SOX6: variants seen among roughly 807,000 people sequenced by gnomAD.
SOX6 encodes SRY-box transcription factor 6.
In SOX6, 11 loss-of-function variants were observed where a neutral mutation model predicts 97.8. The observed-to-expected ratio is 0.11, with a 90% CI of 0.07 to 0.19. The LOEUF is 0.19. Among genes scored for constraint, SOX6 ranks in the 10% least tolerant of loss-of-function variants. SOX6 has a pLI of 1.00. For synonymous variants in SOX6, 360 were observed against 371.4 expected (o/e 0.97, Z 0.35); for missense variants, 810 against 1,039.5 (o/e 0.78, Z 3.04).
At position 16,253,280 on chromosome 11, in the gene SOX6, C is replaced by T. The variant is rs1565049636; in HGVS notation, c.446-18609G>A. 4.6e-5 allele frequency among the ~76,000 whole-genome samples: 7 copies of T among 151,628 alleles called. No homozygotes were observed. In the South Asian group the frequency reaches 1.2e-3, roughly 27 times the overall value. On this transcript the variant is annotated intron_variant, in intron 3 of 15. Transcript: ENST00000683767. ...AGGAGAATCCATTGAACCCAGGAGG[C>T]GGAGGTTGCAGTGAACCAAGATCAC...
intron 6 of SOX6, among the ~76,000 whole-genome samples, chr11:16,157,647 T>C (rs1047693346): frequency 6.6e-6 from 1 of 152,018 alleles, no homozygotes; most frequent in Non-Finnish European, 1.5e-5. Flanking sequence ...TTTAAACTAT[T>C]GTTCTTAATT....
intron 3 of SOX6, among the ~76,000 whole-genome samples, chr11:16,257,019 A>C (rs894804296): frequency 1.3e-5 from 2 of 151,892 alleles, no homozygotes; most frequent in Non-Finnish European, 3.0e-5. Context: ...GTAAAAATCT[A>C]TATGAAGAAA....
At chr11:16,508,594 C>T (rs952633669) in intron 4 of SOX6, among the ~76,000 whole-genome samples, 2 of 151,586 alleles carry the variant, frequency 1.3e-5, no homozygotes, top group African/African-American at 4.8e-5. Context: ...AAGAAAAATA[C>T]TGCATGTTCT....
At chr11:16,204,750 T>C (rs993699827) in intron 4 of SOX6, among the ~76,000 whole-genome samples, 2 of 151,990 alleles carry the variant, frequency 1.3e-5, no homozygotes, top group Non-Finnish European at 2.9e-5. Flanking sequence ...ATTCAAACAA[T>C]TACACACTCA....
chr11:16,210,348 G>T (rs1359894191), intron 4 of SOX6, among the ~76,000 whole-genome samples: 1 of 152,148 alleles, frequency 6.6e-6, no homozygotes, highest in Non-Finnish European at 1.5e-5. Context: ...ACATGGATGA[G>T]CCTGGAAAAC....
At chr11:16,735,129 T>TG (rs1848382159) in intron 2 of SOX6, among the ~76,000 whole-genome samples, 1 of 152,164 alleles carries the variant, frequency 6.6e-6, no homozygotes, top group Non-Finnish European at 1.5e-5. Context: ...TGAATTTAAA[T>TG]GGAGAAGTAT....
intron 13 of SOX6, among the ~76,000 whole-genome samples, chr11:16,005,067 T>C (rs1010529345): frequency 2.6e-5 from 4 of 152,014 alleles, no homozygotes; most frequent in Non-Finnish European, 5.9e-5. Flanking sequence ...GTAGAATGCT[T>C]ATTCCAGTAC....
rs576935354 is a variant in SOX6, at chr11:16,302,574, T to C, written c.445+15872A>G. On this transcript the variant is annotated intron_variant, in intron 3 of 15. Transcript: ENST00000683767. ...TTTTTTTTTCTTTTTTTCTTTTTTTTTTTTTTTTTTTTTTGAGAGGCAGTC... is the reference window on the plus strand; with the variant it reads ...TTTTTTTTTCTTTTTTTCTTTTTTTCTTTTTTTTTTTTTTGAGAGGCAGTC... Among the ~76,000 whole-genome samples the C allele has an allele frequency of 1.7e-4, 24 of 139,906 alleles. 1 individual carries two copies. Among genetic ancestry groups the C allele is most frequent in the African/African-American group, 4.5e-4 (17 of 37,866 alleles). The allele number at this position is 139,906 out of a possible 152,430, so 91.8% of individuals were successfully genotyped here. A position where few individuals can be genotyped will look rare whatever the true frequency, so the allele number is the denominator to read the frequency against.
At chr11:16,213,242 G>C (rs1447693396) in intron 4 of SOX6, among the ~76,000 whole-genome samples, 1 of 151,928 alleles carries the variant, frequency 6.6e-6, no homozygotes, top group Non-Finnish European at 1.5e-5. Flanking sequence ...GAAAATACTA[G>C]ATACAAAATT....
At chr11:16,595,993 T>C (rs1848209222) in intron 4 of SOX6, among the ~76,000 whole-genome samples, 1 of 152,138 alleles carries the variant, frequency 6.6e-6, no homozygotes, top group African/African-American at 2.4e-5. Flanking sequence ...TATCCCTCAA[T>C]AAAAAAGAAG....
Position 16,452,689 on chromosome 11 carries a change from A to G in SOX6, c.-5+23626T>C, listed in dbSNP as rs115878920. On this transcript the variant is annotated intron_variant, in intron 1 of 15. Coordinates refer to the SOX6 transcript ENST00000396356. Reference sequence around the variant, plus strand: ...AACTGTAAAAATGAGATTTCCTGGGACTTTGCTTTCCCTTAGAAAAGAAAA... The same window carrying G: ...AACTGTAAAAATGAGATTTCCTGGGGCTTTGCTTTCCCTTAGAAAAGAAAA... Among the ~76,000 whole-genome samples the G allele has an allele frequency of 2.3e-3, 356 of 152,258 alleles. 2 individuals are homozygous for G. The highest frequency in any genetic ancestry group is 8.1e-3 in the African/African-American group (336 of 41,546).
intron 3 of SOX6, among the ~76,000 whole-genome samples, chr11:16,251,914 A>G (rs1853523959): frequency 1.3e-5 from 2 of 152,120 alleles, no homozygotes; most frequent in Admixed American, 1.3e-4. Context: ...AACATAATAA[A>G]CATAAAAAAT....
Position 16,318,669 on chromosome 11 carries a change from A to G in SOX6, c.238-16T>C, listed in dbSNP as rs775633840. 3 of 1,606,520 alleles carry G rather than the reference A, an allele frequency of 1.9e-6. No individual in the cohort carries two copies. The highest frequency in any genetic ancestry group is 3.3e-5 in the Admixed American group (2 of 59,872). On this transcript the variant is annotated splice_polypyrimidine_tract_variant and intron_variant, in intron 2 of 15. Transcript: ENST00000683767. ...TCTCTGATTCCTAGAAAAATAAAAT[A>G]AAATAAAACCATTAGAATATACGTT... is the stretch of plus-strand genomic sequence containing the variant.
chr11:16,573,580 G>C (rs953303844), intron 4 of SOX6, among the ~76,000 whole-genome samples: 9 of 152,116 alleles, frequency 5.9e-5, no homozygotes, highest in African/African-American at 2.2e-4. Context: ...CAAACTATCT[G>C]CTTAAAGCTA....
chr11:16,639,060 A>G (rs978728086), intron 3 of SOX6, among the ~76,000 whole-genome samples: 2 of 152,224 alleles, frequency 1.3e-5, no homozygotes, highest in African/African-American at 2.4e-5. Context: ...TAGGTCTAAC[A>G]TTTAAGTCTT....
chr11:16,623,393 G>C (rs1421725281), intron 3 of SOX6, among the ~76,000 whole-genome samples: 1 of 149,690 alleles, frequency 6.7e-6, no homozygotes, highest in African/African-American at 2.4e-5. Flanking sequence ...CATGTCCTTA[G>C]GGCACTTTTT....
At chr11:16,672,124 G>T (rs1391284844) in intron 3 of SOX6, among the ~76,000 whole-genome samples, 1 of 152,144 alleles carries the variant, frequency 6.6e-6, no homozygotes, top group Non-Finnish European at 1.5e-5. Flanking sequence ...CATCAGACCG[G>T]CCTTACAAGA....
At chr11:16,085,145 C>T (rs1848550664) in intron 9 of SOX6, among the ~76,000 whole-genome samples, 1 of 152,006 alleles carries the variant, frequency 6.6e-6, no homozygotes, top group African/African-American at 2.4e-5. Context: ...TGGAACAAAC[C>T]CCTATTTGGC....
chr11:16,093,432 A>G (rs1247019033), intron 9 of SOX6, among the ~76,000 whole-genome samples: 2 of 151,996 alleles, frequency 1.3e-5, no homozygotes, highest in Non-Finnish European at 2.9e-5. Context: ...GAGTCTTTCA[A>G]TTTTAAATAA....
Sources: allele counts gnomAD v4.1 joint callset (sites outside exome capture counted in the v4.1 genomes callset), GRCh38; gene constraint gnomAD v4.1.1; transcripts MANE v1.5; gene names NCBI Gene and HGNC (gene_info 2026-07-23, HGNC 2026-07-21).